Variants in GPN2 observed in about 807,000 individuals in gnomAD.
GPN2 encodes ATP-binding domain 1 family member B.
GPN2 carries 27 observed loss-of-function variants against 30.1 expected under a neutral mutation model. That is an observed-to-expected ratio of 0.90 (90% CI 0.66 to 1.24). The LOEUF is 1.24. Among genes scored for constraint, GPN2 ranks in the 50% most tolerant of loss-of-function variants. The probability of loss-of-function intolerance (pLI) is 0.00; values close to 1 mark genes in which losing one functional copy is unlikely to be tolerated. For synonymous variants in GPN2, 212 were observed against 174.4 expected (o/e 1.22, Z -1.70); for missense variants, 406 against 405.4 (o/e 1.00, Z -0.01).
At position 26,878,004 on chromosome 1, in the gene GPN2, C is replaced by A. The variant is rs899573612; in HGVS notation, c.*1673G>T. On this transcript the variant is annotated 3_prime_UTR_variant, in exon 5 of 5. Coordinates refer to ENST00000374135, the MANE Select transcript of GPN2 (RefSeq NM_018066.4). ...CCGAGATTGTGCCACTGGACTCCAG[C>A]CTGGGCGACAGAGAGAGACTTTGTC... 1 of 152,282 alleles carries A rather than the reference C, an allele frequency of 6.6e-6. No individual in the cohort carries two copies. The highest frequency in any genetic ancestry group is 6.5e-5 in the Admixed American group (1 of 15,290). 9.4% of individuals were successfully genotyped at this position (152,282 alleles called of 1,614,324 possible). A position where few individuals can be genotyped will look rare whatever the true frequency, so the allele number is the denominator to read the frequency against.
chr1:26,884,430 A>G lies in GPN2; in HGVS notation c.730-140T>C, dbSNP rs2081880862. ...CTGGAGTAGTTCTACATGTCCCCAA[A>G]GGCTGGATAAATCTCATGTTTCCTG... On this transcript the variant is annotated intron_variant, in intron 3 of 4. Transcript: ENST00000374135. 6.7e-6 allele frequency: 5 copies of G among 750,312 alleles called. No homozygotes were observed. The South Asian group carries it at 9.7e-5, about 14-fold the overall frequency. The allele number at this position is 750,312 out of a possible 1,614,324, so 46.5% of individuals were successfully genotyped here.
intron 4 of GPN2, 141 bp from the exon 5 acceptor site, chr1:26,879,890 G>A: frequency 1.5e-6 from 1 of 660,128 alleles, no homozygotes; most frequent in Non-Finnish European, 2.8e-6. Flanking sequence ...AATCAGGTAT[G>A]AGAAGCCTCC....
rs1225759168 is a variant in GPN2, at chr1:26,890,067, G to A, written c.30C>T (p.Phe10=). 1.3e-6 allele frequency: 2 copies of A among 1,567,306 alleles called. No individual in the cohort carries two copies. The highest frequency in any genetic ancestry group is 1.1e-5 in the South Asian group (1 of 87,310). Residue 10 remains phenylalanine (F), a synonymous_variant, in exon 1 of 5, where the codon TTC becomes TTT. Coordinates refer to ENST00000374135, the MANE Select transcript of GPN2 (RefSeq NM_018066.4). MAGAAPTTA[F]GQAVIGPPGS... ...CCGGCGGGCCGATCACCGCCTGCCC[G>A]AAGGCCGTGGTCGGAGCGGCCCCTG...
At chr1:26,887,082 A>T (rs2081894856) in intron 2 of GPN2, among the ~76,000 whole-genome samples, 1 of 152,048 alleles carries the variant, frequency 6.6e-6, no homozygotes, top group Non-Finnish European at 1.5e-5. Flanking sequence ...CACAGAGCTC[A>T]TAGTCAGGTC....
rs1336400430 is a variant in GPN2 at position 26,877,555 on chromosome 1, C to T, written c.*2122G>A. On this transcript the variant is annotated 3_prime_UTR_variant, in exon 5 of 5. Transcript: ENST00000374135. ...CAATAAATATACCAAAGGAGGGATA[C>T]TCGCAATTTAGTCAGCAAAATGGGT... is the stretch of plus-strand genomic sequence containing the variant. The T allele has an allele frequency of 3.3e-5, 5 of 152,236 alleles. No homozygotes were observed. The highest frequency in any genetic ancestry group is 3.3e-4 in the Admixed American group (5 of 15,276). The allele number at this position is 152,236 out of a possible 1,614,324, so 9.4% of individuals were successfully genotyped here. A position where few individuals can be genotyped will look rare whatever the true frequency, so the allele number is the denominator to read the frequency against.
At chr1:26,885,819 T>G (rs886177391) in intron 3 of GPN2, among the ~76,000 whole-genome samples, 154 bp downstream of exon 3, 5 of 152,070 alleles carry the variant, frequency 3.3e-5, no homozygotes, top group Non-Finnish European at 7.4e-5. Flanking sequence ...GACCTCATGA[T>G]CTGCCCACCT....
chr1:26,878,074 AAC>A lies in GPN2; in HGVS notation c.*1601_*1602del, dbSNP rs368752701. On this transcript the variant is annotated 3_prime_UTR_variant, in exon 5 of 5. Transcript: ENST00000374135. ...AATACATGCAAATAAAACTTGGCAT[AAC>A]AGTCTTGCCCAAGCCATCAGTCCTG... 11 of 152,172 alleles carry A rather than the reference AAC, an allele frequency of 7.2e-5. No individual in the cohort carries two copies. Among genetic ancestry groups the A allele is most frequent in the African/African-American group, 2.4e-4 (10 of 41,438 alleles). The allele number at this position is 152,172 out of a possible 1,614,324, so 9.4% of individuals were successfully genotyped here. A position where few individuals can be genotyped will look rare whatever the true frequency, so the allele number is the denominator to read the frequency against.
Position 26,889,089 on chromosome 1 carries a change from T to C in GPN2, c.448A>G (p.Thr150Ala), listed in dbSNP as rs2081906260. The change falls in exon 2 of 5, where the codon ACA becomes GCA. Residue 150 changes from threonine (T) to alanine (A), a missense_variant. Physicochemically the swap from Thr to Ala is moderately conservative, Grantham distance 58. Coordinates refer to ENST00000374135, the MANE Select transcript of GPN2 (RefSeq NM_018066.4). Reference protein sequence around the residue: ...AVHLVDSHYCTDPAKFISVLC... With the variant: ...AVHLVDSHYCADPAKFISVLC... ...ACTGAAATGAACTTGGCAGGGTCTG[T>C]GCAGTAGTGAGAATCCACGAGGTGG... 1 of 1,613,826 alleles carries C rather than the reference T, an allele frequency of 6.2e-7. No homozygotes were observed. Among genetic ancestry groups the C allele is most frequent in the African/African-American group, 1.3e-5 (1 of 74,908 alleles).
chr1:26,889,557 G>A (rs1188529168), intron 1 of GPN2, 129 bp downstream of exon 1: 1 of 832,824 alleles, frequency 1.2e-6, no homozygotes, highest in Middle Eastern at 2.4e-4. Flanking sequence ...GCCAGATTCT[G>A]AACTCATGCC....
In GPN2 at chr1:26,890,049, G is replaced by T; in HGVS notation, c.48C>A (p.Gly16=). 16 of 1,582,046 alleles carry T rather than the reference G, an allele frequency of 1.0e-5. No homozygotes were observed. Among genetic ancestry groups the T allele is most frequent in the Non-Finnish European group, 1.4e-5 (16 of 1,169,610 alleles). The part of the protein sequence containing the change: ...PTTAFGQAVI[G]PPGSGKTTYC... ...ACGTGGTCTTCCCTGAGCCCGGCGG[G>T]CCGATCACCGCCTGCCCGAAGGCCG... is the stretch of plus-strand genomic sequence containing the variant. Residue 16 remains glycine (G), a synonymous_variant, in exon 1 of 5, where the codon GGC becomes GGA. Transcript: ENST00000374135.
chr1:26,885,965 C>T lies in GPN2; in HGVS notation c.729+8G>A. The T allele has an allele frequency of 6.2e-7, 1 of 1,604,968 alleles. No individual in the cohort carries two copies. The highest frequency in any genetic ancestry group is 8.5e-7 in the Non-Finnish European group (1 of 1,171,938). On this transcript the variant is annotated splice_region_variant and intron_variant, in intron 3 of 4. Coordinates refer to ENST00000374135, the MANE Select transcript of GPN2 (RefSeq NM_018066.4). Reference sequence around the variant, plus strand: ...CACTGTCAAGAGTCCCGTCTTAGCCCCTAGTACCTGGATGTTGAGAGGGAT... The same window carrying T: ...CACTGTCAAGAGTCCCGTCTTAGCCTCTAGTACCTGGATGTTGAGAGGGAT...
intron 2 of GPN2, among the ~76,000 whole-genome samples, chr1:26,887,667 T>G (rs1270189319): frequency 2.0e-5 from 3 of 151,692 alleles, no homozygotes; most frequent in Non-Finnish European, 4.4e-5. Context: ...GTTCACGCCA[T>G]TCTCCTGCCT....
At chr1:26,888,515 T>C (rs1243383951) in intron 2 of GPN2, among the ~76,000 whole-genome samples, 1 of 152,226 alleles carries the variant, frequency 6.6e-6, no homozygotes, top group African/African-American at 2.4e-5. Context: ...TTCCTACTAG[T>C]GCCTCTGCAT....
chr1:26,886,896 G>A (rs1375759873), intron 2 of GPN2, among the ~76,000 whole-genome samples: 1 of 151,474 alleles, frequency 6.6e-6, no homozygotes, highest in East Asian at 1.9e-4. Flanking sequence ...GGGAGGCTGA[G>A]GCAGGAGAAT....
chr1:26,881,938 G>A (rs542654207), intron 4 of GPN2, among the ~76,000 whole-genome samples: 4 of 152,192 alleles, frequency 2.6e-5, no homozygotes, highest in Non-Finnish European at 4.4e-5. Flanking sequence ...GTTGCAGGCC[G>A]GGCATGGTGG....
rs752526876 is a variant in GPN2 at position 26,889,695 on chromosome 1, C to G, written c.402G>C (p.Trp134Cys). The change falls in exon 1 of 5, where the codon TGG becomes TGC. Residue 134 changes from tryptophan (W) to cysteine (C), a missense_variant. Trp to Cys is a radical substitution (Grantham distance 215, BLOSUM62 -2). Transcript: ENST00000374135. ...CCGCCCTGAGACGCACCCTGAGGTC[C>G]CACTGCGCCATTTGGGAGAAGATGC... ...LRSIFSQMAQ[W>C]DLRLTAVHLV... 4 of 1,580,616 alleles carry G rather than the reference C, an allele frequency of 2.5e-6. No individual in the cohort carries two copies. Among genetic ancestry groups the G allele is most frequent in the Non-Finnish European group, 1.7e-6 (2 of 1,159,854 alleles).
chr1:26,890,188 C>T lies in GPN2; in HGVS notation c.-92G>A, dbSNP rs1557658105. 1 of 1,124,286 alleles carries T rather than the reference C, an allele frequency of 8.9e-7. No individual in the cohort carries two copies. Among genetic ancestry groups the T allele is most frequent in the Non-Finnish European group, 1.2e-6 (1 of 819,640 alleles). The allele number at this position is 1,124,286 out of a possible 1,614,324, so 69.6% of individuals were successfully genotyped here. A position where few individuals can be genotyped will look rare whatever the true frequency, so the allele number is the denominator to read the frequency against. On this transcript the variant is annotated 5_prime_UTR_variant, in exon 1 of 5. Coordinates refer to ENST00000374135, the MANE Select transcript of GPN2 (RefSeq NM_018066.4). ...GAGACTGAGGGCGAGGGTCCCAGTA[C>T]GTATACCTCGTTGGCGGCCAGCGTC...
chr1:26,887,795 T>G (rs1396071113), intron 2 of GPN2, among the ~76,000 whole-genome samples: 1 of 151,972 alleles, frequency 6.6e-6, no homozygotes, highest in Non-Finnish European at 1.5e-5. Flanking sequence ...GCTCCTGACC[T>G]CGTGATCCAC....
chr1:26,883,820 C>T (rs1338548043), intron 4 of GPN2, among the ~76,000 whole-genome samples: 1 of 151,330 alleles, frequency 6.6e-6, no homozygotes, highest in Non-Finnish European at 1.5e-5. Context: ...TTGGGTGGAT[C>T]ACAAGGTCAG....
Sources: gnomAD v4.1 joint callset for allele counts (sites outside exome capture counted in the v4.1 genomes callset) on GRCh38, gnomAD v4.1.1 for gene constraint, MANE v1.5 for transcripts, NCBI Gene and HGNC (gene_info 2026-07-23, HGNC 2026-07-21) for gene names.